Variants in RAD51B observed in about 807,000 individuals in gnomAD.
RAD51B encodes RAD51 paralog B, also known as DNA repair protein RAD51 homolog 2.
In RAD51B, 38 loss-of-function variants were observed where a neutral mutation model predicts 42.2. The ratio of observed to expected loss-of-function variants is 0.90; its 90% confidence interval spans 0.70 to 1.18. The LOEUF (loss-of-function observed/expected upper bound fraction) is 1.18, where lower values mean the gene tolerates loss of function less well. Ranked by LOEUF, RAD51B falls within the 50% of genes most tolerant of loss-of-function variation. The probability of loss-of-function intolerance (pLI) is 0.00; values close to 1 mark genes in which losing one functional copy is unlikely to be tolerated. For missense variants in RAD51B, 373 were observed against 400.7 expected (o/e 0.93, Z 0.59); for synonymous variants, 154 against 145.2 (o/e 1.06, Z -0.43).
At chr14:68,331,446 TA>T (rs61574391) in intron 8 of RAD51B, among the ~76,000 whole-genome samples, 202 of 143,084 alleles carry the variant, frequency 1.4e-3, no homozygotes, top group East Asian at 1.6e-3. Flanking sequence ...ACTTAAAGTT[TA>T]AAAAAAAAAA....
At chr14:68,438,073 A>G (rs1025200170) in intron 9 of RAD51B, among the ~76,000 whole-genome samples, 3 of 152,100 alleles carry the variant, frequency 2.0e-5, no homozygotes, top group Non-Finnish European at 4.4e-5. Flanking sequence ...AAAGTAAGGA[A>G]AGGAAAGACA....
downstream of RAD51B, among the ~76,000 whole-genome samples, chr14:68,613,137 C>G (rs1891734915): frequency 1.3e-5 from 2 of 152,136 alleles, no homozygotes; most frequent in African/African-American, 4.8e-5. Context: ...TAGTGGAGGC[C>G]AGGCGTGGTG....
At chr14:68,634,195 G>A (rs943574920) in intron 10 of RAD51B, among the ~76,000 whole-genome samples, 1 of 152,154 alleles carries the variant, frequency 6.6e-6, no homozygotes, top group African/African-American at 2.4e-5. Flanking sequence ...CTACCTCGTA[G>A]AGTTACTGAG....
intron 8 of RAD51B, among the ~76,000 whole-genome samples, chr14:68,404,814 A>T (rs911582443): frequency 6.6e-6 from 1 of 152,204 alleles, no homozygotes; most frequent in Non-Finnish European, 1.5e-5. Context: ...ATCACTGTAC[A>T]TCAGAACAGA....
chr14:68,345,851 G>A (rs563752630), intron 8 of RAD51B, among the ~76,000 whole-genome samples: 1 of 152,222 alleles, frequency 6.6e-6, no homozygotes, highest in Admixed American at 6.5e-5. Context: ...GTGGAGATGG[G>A]GTTTCACCAT....
At chr14:67,959,300 G>A (rs1170176942) in intron 7 of RAD51B, among the ~76,000 whole-genome samples, 1 of 151,682 alleles carries the variant, frequency 6.6e-6, no homozygotes, top group Non-Finnish European at 1.5e-5. Context: ...AGGCTGGAGT[G>A]CAGTGGTGCG....
intron 10 of RAD51B, among the ~76,000 whole-genome samples, chr14:68,519,849 AC>A (rs1886445372): frequency 2.0e-5 from 3 of 152,180 alleles, no homozygotes; most frequent in Admixed American, 2.0e-4. Context: ...TAAAGCAAAG[AC>A]CTTGTTGACT....
intron 4 of RAD51B, among the ~76,000 whole-genome samples, chr14:67,863,730 A>G (rs2042234737): frequency 6.6e-6 from 1 of 152,214 alleles, no homozygotes; most frequent in African/African-American, 2.4e-5. Context: ...GCCACAACTA[A>G]TGTGACAAAT....
chr14:68,498,495 C>G (rs1019438290), intron 10 of RAD51B, among the ~76,000 whole-genome samples: 2 of 152,168 alleles, frequency 1.3e-5, no homozygotes, highest in African/African-American at 4.8e-5. Flanking sequence ...TAGCCAGGTT[C>G]CAGTGGTGGG....
At chr14:68,120,736 G>A (rs769387626) in intron 7 of RAD51B, among the ~76,000 whole-genome samples, 3 of 151,822 alleles carry the variant, frequency 2.0e-5, no homozygotes, top group African/African-American at 7.3e-5. Context: ...GTCCTGCTTG[G>A]GCCCGGGCTC....
intron 7 of RAD51B, among the ~76,000 whole-genome samples, chr14:68,217,276 C>G (rs2079835484): frequency 6.6e-6 from 1 of 152,206 alleles, no homozygotes; most frequent in African/African-American, 2.4e-5. Context: ...CTCCTCTTTT[C>G]TAAATCCAGC....
chr14:67,856,832 T>C (rs1390577625), intron 4 of RAD51B, among the ~76,000 whole-genome samples: 1 of 145,650 alleles, frequency 6.9e-6, no homozygotes, highest in Non-Finnish European at 1.5e-5. Flanking sequence ...TTGAGTGATA[T>C]TCACTACTGA....
intron 9 of RAD51B, among the ~76,000 whole-genome samples, chr14:68,466,005 A>G (rs1461570126): frequency 6.6e-6 from 1 of 151,686 alleles, no homozygotes; most frequent in Non-Finnish European, 1.5e-5. Context: ...TTCACATTGA[A>G]CCATCTCCGA....
intron 8 of RAD51B, among the ~76,000 whole-genome samples, chr14:68,304,470 T>C (rs1421016000): frequency 6.6e-6 from 1 of 152,224 alleles, no homozygotes; most frequent in Non-Finnish European, 1.5e-5. Context: ...TTCAAGATGA[T>C]CATACAACTA....
intron 7 of RAD51B, among the ~76,000 whole-genome samples, chr14:68,001,918 T>C (rs566761827): frequency 6.6e-6 from 1 of 152,366 alleles, no homozygotes; most frequent in African/African-American, 2.4e-5. Flanking sequence ...GGTGTATACG[T>C]ACCACATTTT....
At chr14:68,586,793 T>C (rs1437053717) in intron 10 of RAD51B, among the ~76,000 whole-genome samples, 1 of 151,950 alleles carries the variant, frequency 6.6e-6, no homozygotes, top group Non-Finnish European at 1.5e-5. Flanking sequence ...TCACCTGAGG[T>C]CAGGAGTTTG....
intron 7 of RAD51B, among the ~76,000 whole-genome samples, chr14:68,175,675 T>C (rs920320814): frequency 3.3e-5 from 5 of 152,182 alleles, no homozygotes; most frequent in African/African-American, 1.2e-4. Context: ...TCCGTTTAAC[T>C]TACAGGTGTC....
intron 8 of RAD51B, among the ~76,000 whole-genome samples, chr14:68,386,853 A>G (rs1375237477): frequency 6.6e-6 from 1 of 152,222 alleles, no homozygotes; most frequent in Non-Finnish European, 1.5e-5. Flanking sequence ...AAGCTATCCC[A>G]GAAACAGATG....
intron 10 of RAD51B, among the ~76,000 whole-genome samples, chr14:68,630,953 TATA>T (rs1389359382): frequency 6.6e-6 from 1 of 152,172 alleles, no homozygotes; most frequent in Non-Finnish European, 1.5e-5. Context: ...CCTATTATTT[TATA>T]ATAATAAGTG....
Sources: allele counts gnomAD v4.1 joint callset (sites outside exome capture counted in the v4.1 genomes callset), GRCh38; gene constraint gnomAD v4.1.1; transcripts MANE v1.5; gene names NCBI Gene and HGNC (gene_info 2026-07-23, HGNC 2026-07-21).